Variants in RBP3 observed in about 807,000 individuals in gnomAD.
RBP3 encodes the protein retinol-binding protein 3.
In RBP3, 50 loss-of-function variants were observed where a neutral mutation model predicts 64.8. The ratio of observed to expected loss-of-function variants is 0.77; its 90% CI spans 0.61 to 0.98. The LOEUF (loss-of-function observed/expected upper bound fraction) is 0.98, where lower values mean the gene tolerates loss of function less well. RBP3 is among the 50% of genes least tolerant of loss of function. RBP3 has a pLI of 0.00. For missense variants in RBP3, 1,712 were observed against 1,660.5 expected (o/e 1.03, Z -0.54); for synonymous variants, 828 against 730.2 (o/e 1.13, Z -2.16).
chr10:47,354,776 C>A (rs1301479701), intron 2 of RBP3, among the ~76,000 whole-genome samples: 1 of 152,152 alleles, frequency 6.6e-6, no homozygotes, highest in Non-Finnish European at 1.5e-5. Context: ...GGACGAGGCT[C>A]CTTAACACAT....
rs782523591 is a variant in RBP3, at chr10:47,348,577, G to C, written c.93G>C (p.Met31Ile). Residue 31 changes from methionine to isoleucine, a missense_variant, in exon 1 of 4, where the codon ATG becomes ATC. Physicochemically the swap from Met to Ile is conservative, Grantham distance 10. Transcript: ENST00000584701. ...TCCAGCCAAGCCTGGTGCTGGACAT[G>C]GCCAAGGTCCTCTTGGATAACTACT... is the stretch of plus-strand genomic sequence containing the variant. ...HLFQPSLVLD[M>I]AKVLLDNYCF... 1 of 1,613,256 alleles carries C rather than the reference G, an allele frequency of 6.2e-7. No individual in the cohort carries two copies. Among genetic ancestry groups the C allele is most frequent in the Non-Finnish European group, 8.5e-7 (1 of 1,180,010 alleles).
chr10:47,349,465 A>G lies in RBP3; in HGVS notation c.981A>G (p.Pro327=). 1 of 1,612,714 alleles carries G rather than the reference A, an allele frequency of 6.2e-7. No homozygotes were observed. Among genetic ancestry groups the G allele is most frequent in the Non-Finnish European group, 8.5e-7 (1 of 1,179,992 alleles). Residue 327 remains proline, a synonymous_variant, in exon 1 of 4, where the codon CCA becomes CCG. Transcript: ENST00000584701. The part of the protein sequence containing the change: ...LAILTLRSAL[P]GVVHCLQEVL... The stretch of plus-strand genomic sequence containing the variant: ...TCCTCACTCTGCGCAGCGCCCTTCC[A>G]GGGGTAGTCCACTGCCTCCAGGAGG...
In RBP3 at chr10:47,350,644, C is replaced by T. The variant is rs781895333; in HGVS notation, c.2160C>T (p.Val720=). ...AAGCACCCCCACCACCCCCTGCTGT[C>T]CCCTCTCCAGAGGAGCTCACCTACC... The part of the protein sequence containing the change: ...VEEAPPPPPA[V]PSPEELTYLI... Residue 720 remains valine, a synonymous_variant, in exon 1 of 4, where the codon GTC becomes GTT. Coordinates refer to ENST00000584701, the MANE Select transcript of RBP3 (RefSeq NM_002900.3). The T allele has an allele frequency of 1.2e-6, 2 of 1,612,840 alleles. No individual in the cohort carries two copies. Among genetic ancestry groups the T allele is most frequent in the Admixed American group, 1.7e-5 (1 of 60,012 alleles).
rs1555211799 is a variant in RBP3 at position 47,353,495 on chromosome 10, T to C, written c.3225T>C (p.Asp1075=). 2.5e-6 allele frequency: 4 copies of C among 1,614,058 alleles called. No individual in the cohort carries two copies. In the South Asian group the frequency reaches 4.4e-5, roughly 18 times the overall value. ...TCTGGAAGAAGATCATGCACACGGA[T>C]GCCATGATCATCGACATGAGGTCAG... ...EHIWKKIMHT[D]AMIIDMRFNI... The change falls in exon 2 of 4, where the codon GAT becomes GAC. Residue 1075 remains aspartate, a synonymous_variant. Transcript: ENST00000584701.
intron 2 of RBP3, among the ~76,000 whole-genome samples, chr10:47,354,208 T>C (rs1837017828): frequency 1.3e-5 from 2 of 152,228 alleles, no homozygotes; most frequent in African/African-American, 4.8e-5. Flanking sequence ...AGGAGGTGGA[T>C]GAGTACCCTC....
Position 47,350,249 on chromosome 10 carries a change from C to T in RBP3, c.1765C>T (p.Leu589Phe). ...VPLLDTPEGS[L>F]ALTVPVLTFI... is the part of the protein sequence containing the mutation. ...GCTGCTGGACACACCCGAAGGCAGC[C>T]TCGCGCTCACCGTGCCGGTCCTCAC... The change falls in exon 1 of 4, where the codon CTC becomes TTC. Residue 589 changes from leucine (L) to phenylalanine (F), a missense_variant. Physicochemically the swap from Leu to Phe is conservative, Grantham distance 22. Transcript: ENST00000584701. 6.2e-7 allele frequency: 1 copy of T among 1,607,516 alleles called. No individual in the cohort carries two copies. Among genetic ancestry groups the T allele is most frequent in the Non-Finnish European group, 8.5e-7 (1 of 1,179,908 alleles).
rs369694261 is a variant in RBP3 at position 47,350,866 on chromosome 10, G to A, written c.2382G>A (p.Pro794=). The A allele has an allele frequency of 8.1e-6, 13 of 1,612,584 alleles. No individual in the cohort carries two copies. The highest frequency in any genetic ancestry group is 1.7e-5 in the Admixed American group (1 of 59,968). Residue 794 remains proline (P), a synonymous_variant, in exon 1 of 4, where the codon CCG becomes CCA. Transcript: ENST00000584701. The part of the protein sequence containing the change: ...YNPGSYSTAI[P]LLCSYFFEAE... Reference sequence around the variant, plus strand: ...CTGGCAGCTACTCCACGGCCATCCCGCTGCTCTGCTCCTACTTCTTTGAGG... The same window carrying A: ...CTGGCAGCTACTCCACGGCCATCCCACTGCTCTGCTCCTACTTCTTTGAGG...
chr10:47,353,443 A>G lies in RBP3; in HGVS notation c.3173A>G (p.Gln1058Arg). ...DMFGDGELLT[Q>R]VSRLLVEHIW... ...TTTGGGGACGGTGAGCTGCTCACCCAGGTCTCCAGGCTGCTGGTGGAGCAC... is the reference window on the plus strand; with the variant it reads ...TTTGGGGACGGTGAGCTGCTCACCCGGGTCTCCAGGCTGCTGGTGGAGCAC... Residue 1058 changes from glutamine to arginine, a missense_variant, in exon 2 of 4, where the codon CAG (glutamine) becomes CGG (arginine). Transcript: ENST00000584701. 6.2e-7 allele frequency: 1 copy of G among 1,614,152 alleles called. No homozygotes were observed. The highest frequency in any genetic ancestry group is 2.2e-5 in the East Asian group (1 of 44,870).
In RBP3 at chr10:47,350,681, C is replaced by T. The variant is rs1210011276; in HGVS notation, c.2197C>T (p.Leu733=). ...PEELTYLIEA[L]FKTEVLPGQL... The stretch of plus-strand genomic sequence containing the variant: ...GGAGCTCACCTACCTTATTGAGGCC[C>T]TGTTCAAGACAGAGGTGCTGCCCGG... The change falls in exon 1 of 4, where the codon CTG becomes TTG. Residue 733 remains leucine, a synonymous_variant. Transcript: ENST00000584701. 8.1e-6 allele frequency: 13 copies of T among 1,612,998 alleles called. No homozygotes were observed. The highest frequency in any genetic ancestry group is 1.1e-5 in the Non-Finnish European group (13 of 1,180,042).
In RBP3 at chr10:47,349,771, G is replaced by A. The variant is rs566436341; in HGVS notation, c.1287G>A (p.Val429=). ...TCCGGCAAGCACTGGTGGACTCTGT[G>A]TTCCAGGTGTCGGTGCTGCCAGGCA... ...EAIRQALVDS[V]FQVSVLPGNV... The change falls in exon 1 of 4, where the codon GTG becomes GTA. Residue 429 remains valine, a synonymous_variant. Coordinates refer to ENST00000584701, the MANE Select transcript of RBP3 (RefSeq NM_002900.3). The A allele has an allele frequency of 1.2e-6, 2 of 1,613,074 alleles. No individual in the cohort carries two copies. The highest frequency in any genetic ancestry group is 2.7e-5 in the African/African-American group (2 of 74,934).
In RBP3 at chr10:47,349,003, A is replaced by G. The variant is rs781937407; in HGVS notation, c.519A>G (p.Thr173=). ...TAGTGCTGGATCTCCGGCACTGCAC[A>G]GGAGGCCAGGTCTCTGGCATTCCCT... The part of the protein sequence containing the change: ...SALVLDLRHC[T]GGQVSGIPYI... Residue 173 remains threonine (T), a synonymous_variant, in exon 1 of 4, where the codon ACA becomes ACG. Transcript: ENST00000584701. The G allele has an allele frequency of 1.4e-5, 23 of 1,613,920 alleles. No individual in the cohort carries two copies. Among genetic ancestry groups the G allele is most frequent in the Non-Finnish European group, 1.9e-5 (22 of 1,180,032 alleles).
Position 47,357,629 on chromosome 10 carries a change from TA to T in RBP3, c.*173del. The T allele has an allele frequency of 1.7e-6, 1 of 595,136 alleles. No individual in the cohort carries two copies. The highest frequency in any genetic ancestry group is 3.0e-6 in the Non-Finnish European group (1 of 332,654). The allele number at this position is 595,136 out of a possible 1,614,324, so 36.9% of individuals were successfully genotyped here. On this transcript the variant is annotated 3_prime_UTR_variant, in exon 4 of 4. Coordinates refer to ENST00000584701, the MANE Select transcript of RBP3 (RefSeq NM_002900.3). Reference sequence around the variant, plus strand: ...ATATATACACACACACACATGTATATACACATATATATGTGTATGTATATAT... The same window carrying T: ...ATATATACACACACACACATGTATATCACATATATATGTGTATGTATATAT...
At chr10:47,353,123 A>G (rs1555211748) in intron 1 of RBP3, among the ~76,000 whole-genome samples, 2 of 152,266 alleles carry the variant, frequency 1.3e-5, no homozygotes, top group South Asian at 2.1e-4. Context: ...ATCCTCTGCA[A>G]GGAGGCTGCC....
Position 47,349,222 on chromosome 10 carries a change from T to G in RBP3, c.738T>G (p.Leu246=), listed in dbSNP as rs1836906334. 3 of 1,613,424 alleles carry G rather than the reference T, an allele frequency of 1.9e-6. No homozygotes were observed. The highest frequency in any genetic ancestry group is 8.5e-7 in the Non-Finnish European group (1 of 1,180,012). The part of the protein sequence containing the change: ...RGVAEDIAHI[L]KQMRRAIVVG... Reference sequence around the variant, plus strand: ...TGGCCGAGGACATCGCGCACATCCTTAAGCAGATGCGCAGGGCCATCGTGG... The same window carrying G: ...TGGCCGAGGACATCGCGCACATCCTGAAGCAGATGCGCAGGGCCATCGTGG... Residue 246 remains leucine, a synonymous_variant, in exon 1 of 4, where the codon CTT becomes CTG. Transcript: ENST00000584701.
At chr10:47,352,407 G>A (rs1555211680) in intron 1 of RBP3, among the ~76,000 whole-genome samples, 1 of 152,238 alleles carries the variant, frequency 6.6e-6, no homozygotes, top group African/African-American at 2.4e-5. Context: ...GGAAAGGCAG[G>A]GCTGTGCTAT....
rs1836959636 is a variant in RBP3, at chr10:47,350,902, C to T, written c.2418C>T (p.Arg806=). 1 of 1,613,002 alleles carries T rather than the reference C, an allele frequency of 6.2e-7. No individual in the cohort carries two copies. The highest frequency in any genetic ancestry group is 8.5e-7 in the Non-Finnish European group (1 of 1,179,990). Residue 806 remains arginine, a synonymous_variant, in exon 1 of 4, where the codon CGC becomes CGT. Transcript: ENST00000584701. ...CCTACTTCTTTGAGGCAGAGCCCCG[C>T]CAGCACCTGTATTCTGTCTTTGACA... ...LCSYFFEAEP[R]QHLYSVFDRA...
In RBP3 at chr10:47,350,991, C is replaced by G; in HGVS notation, c.2507C>G (p.Ser836Ter). 1 of 1,611,430 alleles carries G rather than the reference C, an allele frequency of 6.2e-7. No homozygotes were observed. Among genetic ancestry groups the G allele is most frequent in the Non-Finnish European group, 8.5e-7 (1 of 1,179,936 alleles). The change falls in exon 1 of 4, where the codon TCA becomes TGA. Residue 836 changes from serine to a stop codon, truncating the protein, a stop_gained. Transcript: ENST00000584701. LOFTEE classifies it high-confidence loss of function. ...CAGGTCGCCGGCCAGCGCTACGGCT[C>G]ACACAAGGACCTCTACATCCTGATG... ...LPQVAGQRYG[S>*]HKDLYILMSH...
rs529147384 is a variant in RBP3, at chr10:47,348,583, G to A, written c.99G>A (p.Lys33=). The A allele has an allele frequency of 3.1e-6, 5 of 1,613,394 alleles. No homozygotes were observed. In the South Asian group the frequency reaches 4.4e-5, roughly 14 times the overall value. Reference sequence around the variant, plus strand: ...CAAGCCTGGTGCTGGACATGGCCAAGGTCCTCTTGGATAACTACTGCTTCC... The same window carrying A: ...CAAGCCTGGTGCTGGACATGGCCAAAGTCCTCTTGGATAACTACTGCTTCC... The part of the protein sequence containing the change: ...FQPSLVLDMA[K]VLLDNYCFPE... The change falls in exon 1 of 4, where the codon AAG becomes AAA. Residue 33 remains lysine, a synonymous_variant. Coordinates refer to ENST00000584701, the MANE Select transcript of RBP3 (RefSeq NM_002900.3).
chr10:47,356,730 C>T (rs2132258823), intron 3 of RBP3, among the ~76,000 whole-genome samples: 1 of 152,250 alleles, frequency 6.6e-6, no homozygotes, highest in South Asian at 2.1e-4. Context: ...TGTTCTTATA[C>T]ATCACAAATT....
Sources: gnomAD v4.1 joint callset for allele counts (sites outside exome capture counted in the v4.1 genomes callset) on GRCh38, gnomAD v4.1.1 for gene constraint, MANE v1.5 for transcripts, NCBI Gene and HGNC (gene_info 2026-07-23, HGNC 2026-07-21) for gene names.